ITGA1: variants seen among roughly 807,000 people sequenced by gnomAD.
ITGA1 encodes integrin alpha-1.
In ITGA1, 85 loss-of-function variants were observed where a neutral mutation model predicts 145.9. The ratio of observed to expected loss-of-function variants is 0.58; its 90% CI spans 0.49 to 0.70. The LOEUF (loss-of-function observed/expected upper bound fraction) is 0.70, where lower values mean the gene tolerates loss of function less well. Among genes scored for constraint, ITGA1 ranks in the 30% least tolerant of loss-of-function variants. The pLI, the probability that ITGA1 is intolerant of heterozygous loss-of-function variation, is 0.00. For missense variants in ITGA1, 1,351 were observed against 1,418.7 expected (o/e 0.95, Z 0.77); for synonymous variants, 520 against 495.3 (o/e 1.05, Z -0.66).
intron 8 of ITGA1, among the ~76,000 whole-genome samples, chr5:52,891,773 G>GTACT (rs1400738547): frequency 1.3e-5 from 2 of 151,640 alleles, no homozygotes; most frequent in African/African-American, 4.8e-5. Flanking sequence ...TTATGCCCAT[G>GTACT]TACTTATGTG....
At chr5:52,937,193 C>T (rs139952445) in intron 23 of ITGA1, among the ~76,000 whole-genome samples, 38 of 152,210 alleles carry the variant, frequency 2.5e-4, no homozygotes, top group African/African-American at 7.5e-4. Context: ...ATAGCTGATA[C>T]ATACGGCTAC....
At chr5:52,918,107 G>A (rs1468605317) in intron 15 of ITGA1, among the ~76,000 whole-genome samples, 3 of 152,108 alleles carry the variant, frequency 2.0e-5, no homozygotes, top group East Asian at 3.8e-4. Flanking sequence ...GAGTTAAAAC[G>A]ACTGAGTTTA....
intron 1 of ITGA1, among the ~76,000 whole-genome samples, chr5:52,831,348 G>A (rs1749067374): frequency 6.6e-6 from 1 of 151,980 alleles, no homozygotes; most frequent in Non-Finnish European, 1.5e-5. Context: ...TGGCCAGGCT[G>A]GTCTCGAACT....
chr5:52,905,996 A>T, intron 12 of ITGA1, 88 bp downstream of exon 12: 1 of 1,142,748 alleles, frequency 8.8e-7, no homozygotes, highest in South Asian at 1.6e-5. Context: ...TTAAAAATGC[A>T]ATACCCACAT....
At chr5:52,951,788 C>A (rs1751224914) in intron 28 of ITGA1, among the ~76,000 whole-genome samples, 1 of 152,190 alleles carries the variant, frequency 6.6e-6, no homozygotes, top group African/African-American at 2.4e-5. Context: ...ACAATGCTAG[C>A]TAATTGCAGT....
rs1158731282 is a variant in ITGA1 at position 52,953,450 on chromosome 5, G to A, written c.*999G>A. 1 of 152,180 alleles carries A rather than the reference G, an allele frequency of 6.6e-6. No homozygotes were observed. The highest frequency in any genetic ancestry group is 6.5e-5 in the Admixed American group (1 of 15,274). The allele number at this position is 152,180 out of a possible 1,614,324, so 9.4% of individuals were successfully genotyped here. On this transcript the variant is annotated 3_prime_UTR_variant, in exon 29 of 29. Transcript: ENST00000282588. ...TCATTCAAACCCCCAAGCTGTGAGA[G>A]TGTGTTTATTTTTAATTTTTTAAAA... is the stretch of plus-strand genomic sequence containing the variant.
At chr5:52,810,992 A>T (rs1230898447) in intron 1 of ITGA1, among the ~76,000 whole-genome samples, 1 of 152,232 alleles carries the variant, frequency 6.6e-6, no homozygotes, top group East Asian at 1.9e-4. Flanking sequence ...AGAAATTTTA[A>T]TTGTGAGGAT....
intron 1 of ITGA1, among the ~76,000 whole-genome samples, chr5:52,837,148 C>A (rs1749172992): frequency 6.6e-6 from 1 of 152,184 alleles, no homozygotes; most frequent in South Asian, 2.1e-4. Flanking sequence ...AAGAATCAGA[C>A]TGATGAATCA....
At chr5:52,807,080 T>C (rs1748599220) in intron 1 of ITGA1, among the ~76,000 whole-genome samples, 1 of 151,210 alleles carries the variant, frequency 6.6e-6, no homozygotes, top group Admixed American at 6.6e-5. Flanking sequence ...GAATGTTAGT[T>C]CAATGGAAGT....
intron 2 of ITGA1, among the ~76,000 whole-genome samples, chr5:52,851,327 G>A (rs955531494): frequency 6.6e-6 from 1 of 152,038 alleles, no homozygotes; most frequent in Non-Finnish European, 1.5e-5. Context: ...TTTCTTTTTA[G>A]AAGCCTTAGT....
At chr5:52,909,768 G>GT (rs796538065) in intron 13 of ITGA1, among the ~76,000 whole-genome samples, 5,483 of 141,342 alleles carry the variant, frequency 0.039, 318 homozygotes, top group African/African-American at 0.13. Context: ...TTCTGTCTGG[G>GT]TTTTTTTTTT....
At chr5:52,815,620 C>T (rs1021662171) in intron 1 of ITGA1, among the ~76,000 whole-genome samples, 3 of 151,998 alleles carry the variant, frequency 2.0e-5, no homozygotes, top group African/African-American at 7.2e-5. Flanking sequence ...GGGCTCCATT[C>T]CAAAAAATGG....
At chr5:52,886,887 T>G (rs1579698223) in intron 7 of ITGA1, among the ~76,000 whole-genome samples, 1 of 152,150 alleles carries the variant, frequency 6.6e-6, no homozygotes. Flanking sequence ...CACGCCATTC[T>G]CCTGCCTCAG....
At chr5:52,807,534 T>C (rs1748609854) in intron 1 of ITGA1, among the ~76,000 whole-genome samples, 1 of 152,216 alleles carries the variant, frequency 6.6e-6, no homozygotes. Context: ...TTCTCAGCTT[T>C]CAGTTTGGAG....
intron 1 of ITGA1, among the ~76,000 whole-genome samples, chr5:52,835,704 A>G (rs138024648): frequency 6.6e-6 from 1 of 152,302 alleles, no homozygotes; most frequent in African/African-American, 2.4e-5. Flanking sequence ...GAAATTAGTT[A>G]TTAGATTCCA....
At chr5:52,792,875 G>A (rs1273792178) in intron 1 of ITGA1, among the ~76,000 whole-genome samples, 1 of 152,168 alleles carries the variant, frequency 6.6e-6, no homozygotes, top group South Asian at 2.1e-4. Flanking sequence ...AGAGCAGTCT[G>A]TGACTGGAGA....
chr5:52,804,811 T>G (rs1027896867), intron 1 of ITGA1, among the ~76,000 whole-genome samples: 5 of 152,166 alleles, frequency 3.3e-5, no homozygotes, highest in Admixed American at 2.6e-4. Flanking sequence ...ACTGGCTATT[T>G]GTGTTTAGTG....
intron 11 of ITGA1, chr5:52,902,522 A>G (rs769569240): frequency 6.6e-6 from 1 of 152,160 alleles, no homozygotes; most frequent in Non-Finnish European, 1.5e-5. Flanking sequence ...TTCATTCTTC[A>G]TAAATCCATG....
intron 28 of ITGA1, among the ~76,000 whole-genome samples, chr5:52,949,754 G>C (rs1751190408): frequency 6.6e-6 from 1 of 152,152 alleles, no homozygotes; most frequent in Non-Finnish European, 1.5e-5. Context: ...ATTATATCAA[G>C]AAGGCTAATC....
Sources: allele counts gnomAD v4.1 joint callset (sites outside exome capture counted in the v4.1 genomes callset), GRCh38; gene constraint gnomAD v4.1.1; transcripts MANE v1.5; gene names NCBI Gene and HGNC (gene_info 2026-07-23, HGNC 2026-07-21).